EPHA5: variants seen among roughly 807,000 people sequenced by gnomAD.
The protein encoded by EPHA5 is EPH receptor A5, also known as ephrin type-A receptor 5.
Under a neutral mutation model 105.0 loss-of-function variants are expected in EPHA5, and 60 were observed. The ratio of observed to expected loss-of-function variants is 0.57; its 90% CI spans 0.46 to 0.71. EPHA5 has a LOEUF of 0.71. EPHA5 is among the 30% of genes least tolerant of loss of function. The pLI, the probability that EPHA5 is intolerant of heterozygous loss-of-function variation, is 0.00. For synonymous variants in EPHA5, 513 were observed against 449.1 expected (o/e 1.14, Z -1.80); for missense variants, 1,218 against 1,274.7 (o/e 0.96, Z 0.68).
chr4:65,534,873 G>T (rs1216873276), intron 3 of EPHA5, among the ~76,000 whole-genome samples: 4 of 152,176 alleles, frequency 2.6e-5, no homozygotes, highest in South Asian at 2.1e-4. Flanking sequence ...GAAACAACCT[G>T]CAGATAAACA....
At chr4:65,526,362 T>C (rs1466106870) in intron 3 of EPHA5, among the ~76,000 whole-genome samples, 1 of 151,752 alleles carries the variant, frequency 6.6e-6, no homozygotes, top group African/African-American at 2.4e-5. Flanking sequence ...TATAATTAAA[T>C]TGCAAGAGGC....
intron 5 of EPHA5, among the ~76,000 whole-genome samples, chr4:65,482,912 C>A (rs1017797541): frequency 6.6e-6 from 1 of 150,806 alleles, no homozygotes; most frequent in Non-Finnish European, 1.5e-5. Context: ...GCACAACGTG[C>A]AGGTTTGTTA....
At chr4:65,383,686 T>A (rs1164589468) in intron 8 of EPHA5, among the ~76,000 whole-genome samples, 1 of 151,818 alleles carries the variant, frequency 6.6e-6, no homozygotes, top group Non-Finnish European at 1.5e-5. Context: ...TATCTGCCAG[T>A]CTGAAGGAGT....
At chr4:65,346,000 C>T (rs1348953447) in intron 14 of EPHA5, among the ~76,000 whole-genome samples, 1 of 151,650 alleles carries the variant, frequency 6.6e-6, no homozygotes, top group African/African-American at 2.4e-5. Flanking sequence ...TCTGACCTCA[C>T]GATCCACCCG....
intron 5 of EPHA5, among the ~76,000 whole-genome samples, chr4:65,480,659 T>G (rs552708362): frequency 2.6e-5 from 4 of 152,260 alleles, no homozygotes; most frequent in African/African-American, 9.6e-5. Flanking sequence ...CAAGACCTTG[T>G]CATTCATTGT....
At chr4:65,650,421 T>A (rs1384856481) in intron 1 of EPHA5, among the ~76,000 whole-genome samples, 1 of 150,378 alleles carries the variant, frequency 6.6e-6, no homozygotes, top group Admixed American at 6.6e-5. Flanking sequence ...TAACCAGGGC[T>A]TGGTGGCGGG....
intron 3 of EPHA5, among the ~76,000 whole-genome samples, chr4:65,497,098 C>G (rs2149231353): frequency 6.6e-6 from 1 of 152,244 alleles, no homozygotes; most frequent in Non-Finnish European, 1.5e-5. Context: ...GTGCTTTGTA[C>G]AGCTTACTTT....
At chr4:65,367,208 T>C (rs1205068723) in intron 9 of EPHA5, 149 bp downstream of exon 9, 3 of 632,624 alleles carry the variant, frequency 4.7e-6, no homozygotes, top group African/African-American at 3.7e-5. Context: ...CCGTATTCTT[T>C]ACAGGAATGT....
In EPHA5 at chr4:65,323,756, G is replaced by T. The variant is rs1719819922; in HGVS notation, c.*358C>A. 1 of 232,662 alleles carries T rather than the reference G, an allele frequency of 4.3e-6. No homozygotes were observed. Among genetic ancestry groups the T allele is most frequent in the African/African-American group, 2.2e-5 (1 of 45,196 alleles). The allele number at this position is 232,662 out of a possible 1,614,324, so 14.4% of individuals were successfully genotyped here. The stretch of plus-strand genomic sequence containing the variant: ...ACATTTCCTTTCAAGTAGATCCCTG[G>T]AAGTTTTGAAAGGGGTTGCCTTAAT... On this transcript the variant is annotated 3_prime_UTR_variant, in exon 17 of 17. Transcript: ENST00000613740.
At chr4:65,444,675 TTTTA>T (rs1316774962) in intron 5 of EPHA5, among the ~76,000 whole-genome samples, 1 of 152,076 alleles carries the variant, frequency 6.6e-6, no homozygotes, top group Non-Finnish European at 1.5e-5. Context: ...ATCAGAAACA[TTTTA>T]TTTATTTTTT....
intron 7 of EPHA5, among the ~76,000 whole-genome samples, chr4:65,405,882 T>G (rs2148994696): frequency 6.6e-6 from 1 of 152,098 alleles, no homozygotes; most frequent in East Asian, 1.9e-4. Context: ...TTTCTACCAC[T>G]ATTTTTTTTC....
At position 65,584,835 on chromosome 4, in the gene EPHA5, A is replaced by G. The variant is rs138973165; in HGVS notation, c.910+16806T>C. 5.8e-4 allele frequency among the ~76,000 whole-genome samples: 88 copies of G among 152,082 alleles called. 1 individual carries two copies. The East Asian group carries it at 0.016, about 27-fold the overall frequency. On this transcript the variant is annotated intron_variant, in intron 3 of 16. Transcript: ENST00000613740. ...GAAAGTATTGTTAAAAAATCTTCCT[A>G]TTTAATTATTTATTTGTCACTCATA...
At chr4:65,459,554 T>G (rs1727932407) in intron 5 of EPHA5, among the ~76,000 whole-genome samples, 1 of 151,852 alleles carries the variant, frequency 6.6e-6, no homozygotes, top group African/African-American at 2.4e-5. Context: ...AACTGTAACT[T>G]GACATACACA....
At chr4:65,582,495 C>G (rs1741727072) in intron 3 of EPHA5, among the ~76,000 whole-genome samples, 1 of 149,256 alleles carries the variant, frequency 6.7e-6, no homozygotes. Context: ...AAAAGAAAAT[C>G]CAGAAGTATT....
intron 8 of EPHA5, among the ~76,000 whole-genome samples, chr4:65,402,422 T>C (rs376143029): frequency 1.4e-4 from 22 of 152,286 alleles, no homozygotes; most frequent in African/African-American, 5.1e-4. Context: ...ACATTTTATC[T>C]AATGTGAAAG....
intron 5 of EPHA5, among the ~76,000 whole-genome samples, chr4:65,483,464 T>C (rs950761008): frequency 1.3e-5 from 2 of 152,190 alleles, no homozygotes; most frequent in Non-Finnish European, 2.9e-5. Flanking sequence ...TGAACTAGTT[T>C]ACAGTCCCAC....
At chr4:65,601,287 TC>T (rs1216474221) in intron 3 of EPHA5, among the ~76,000 whole-genome samples, 1 of 152,156 alleles carries the variant, frequency 6.6e-6, no homozygotes, top group African/African-American at 2.4e-5. Context: ...GAAAATAAGT[TC>T]ATGGAGAGAA....
At chr4:65,335,031 T>C (rs67668479) in intron 15 of EPHA5, among the ~76,000 whole-genome samples, 10,802 of 152,062 alleles carry the variant, frequency 0.071, 459 homozygotes, top group Admixed American at 0.13. Flanking sequence ...TCATTTGTAT[T>C]TAAAATGACT....
chr4:65,658,958 T>C (rs1008128008), intron 1 of EPHA5, among the ~76,000 whole-genome samples: 1 of 152,050 alleles, frequency 6.6e-6, no homozygotes, highest in Non-Finnish European at 1.5e-5. Context: ...TCATAATATA[T>C]GCTACAAAAT....
Sources: gnomAD v4.1 joint callset for allele counts (sites outside exome capture counted in the v4.1 genomes callset) on GRCh38, gnomAD v4.1.1 for gene constraint, MANE v1.5 for transcripts, NCBI Gene and HGNC (gene_info 2026-07-23, HGNC 2026-07-21) for gene names.